Variants in AFM observed in about 807,000 individuals in gnomAD.
AFM encodes alpha-Alb.
Under a neutral mutation model 68.7 loss-of-function variants are expected in AFM, and 82 were observed. The observed-to-expected ratio is 1.19, with a 90% CI of 1.00 to 1.43. AFM has a LOEUF of 1.43. AFM is among the 40% of genes most tolerant of loss of function. AFM has a pLI of 0.00. For missense variants in AFM, 772 were observed against 701.8 expected, an observed-to-expected ratio of 1.10 and a Z score of -1.13; for synonymous variants, 250 against 234.2, an observed-to-expected ratio of 1.07 and a Z score of -0.61.
At chr4:73,498,680 G>C (rs1721327401) in intron 10 of AFM, among the ~76,000 whole-genome samples, 1 of 152,148 alleles carries the variant, frequency 6.6e-6, no homozygotes, top group Non-Finnish European at 1.5e-5. Flanking sequence ...TTGGCTGTTA[G>C]CTGACAATTC....
Position 73,484,304 on chromosome 4 carries a change from G to C in AFM, c.184G>C (p.Glu62Gln). ...GTATGTTCAGGAAGCAACCTTTGAA[G>C]AAATGGAAAAGCTGGTGAAAGACAT... Reference protein sequence around the residue: ...AQYVQEATFEEMEKLVKDMVE... With the variant: ...AQYVQEATFEQMEKLVKDMVE... The change falls in exon 3 of 15, where the codon GAA (glutamate) becomes CAA (glutamine). Residue 62 changes from glutamate to glutamine, a missense_variant. Coordinates refer to ENST00000226355, the MANE Select transcript of AFM (RefSeq NM_001133.2). 1 of 1,613,542 alleles carries C rather than the reference G, an allele frequency of 6.2e-7. No individual in the cohort carries two copies. Among genetic ancestry groups the C allele is most frequent in the Non-Finnish European group, 8.5e-7 (1 of 1,179,802 alleles).
At chr4:73,499,931 C>A in intron 11 of AFM, 73 bp from the exon 12 acceptor site, 3 of 1,242,216 alleles carry the variant, frequency 2.4e-6, no homozygotes, top group Non-Finnish European at 3.5e-6. Flanking sequence ...TCTAAGTATT[C>A]ATCTAACCAT....
At position 73,499,186 on chromosome 4, in the gene AFM, G is replaced by A. The variant is rs1156599000; in HGVS notation, c.1362G>A (p.Met454Ile). The change falls in exon 11 of 15, where the codon ATG becomes ATA. Residue 454 changes from methionine to isoleucine, a missense_variant. Physicochemically the swap from Met to Ile is conservative, Grantham distance 10 (BLOSUM62 1). Coordinates refer to ENST00000226355, the MANE Select transcript of AFM (RefSeq NM_001133.2). ...AACTGGTGTCTCTTGGCGAGAAAATGGTGACAGCTTTCACTACTTGCTGTA... is the reference window on the plus strand; with the variant it reads ...AACTGGTGTCTCTTGGCGAGAAAATAGTGACAGCTTTCACTACTTGCTGTA... ...TEELVSLGEKMVTAFTTCCTL... is the reference protein window; with the variant it reads ...TEELVSLGEKIVTAFTTCCTL... The A allele has an allele frequency of 2.5e-6, 4 of 1,612,874 alleles. No individual in the cohort carries two copies. The African/African-American group carries it at 5.3e-5, about 22-fold the overall frequency.
At position 73,495,449 on chromosome 4, in the gene AFM, T is replaced by C. The variant is rs754702077; in HGVS notation, c.1191+17T>C. On this transcript the variant is annotated intron_variant, in intron 9 of 14. Coordinates refer to ENST00000226355, the MANE Select transcript of AFM (RefSeq NM_001133.2). Reference sequence around the variant, plus strand: ...CGTTACGCGGTAGGTTCCATTGTTGTAGGTTCAGAAAATCAAAAAAGAACA... The same window carrying C: ...CGTTACGCGGTAGGTTCCATTGTTGCAGGTTCAGAAAATCAAAAAAGAACA... 1.4e-5 allele frequency: 22 copies of C among 1,597,916 alleles called. No homozygotes were observed. The highest frequency in any genetic ancestry group is 1.7e-5 in the Non-Finnish European group (20 of 1,176,272).
chr4:73,501,951 C>T, intron 13 of AFM, 32 bp downstream of exon 13: 1 of 1,603,496 alleles, frequency 6.2e-7, no homozygotes, highest in Non-Finnish European at 8.5e-7. Context: ...TGAAATTCAA[C>T]TGGTTTTCCT....
In AFM at chr4:73,499,249, G is replaced by T. The variant is rs764002189; in HGVS notation, c.1422+3G>T. 1.2e-6 allele frequency: 2 copies of T among 1,600,696 alleles called. No individual in the cohort carries two copies. The highest frequency in any genetic ancestry group is 1.7e-6 in the Non-Finnish European group (2 of 1,172,820). ...AGTTTGCCTGTGTTGATAATTTGGTGAGCATGGCCTGTGTACCAGACTACT... is the reference window on the plus strand; with the variant it reads ...AGTTTGCCTGTGTTGATAATTTGGTTAGCATGGCCTGTGTACCAGACTACT... On this transcript the variant is annotated splice_donor_region_variant and intron_variant, in intron 11 of 14. Coordinates refer to ENST00000226355, the MANE Select transcript of AFM (RefSeq NM_001133.2).
At chr4:73,502,928 C>A (rs72647065) in intron 13 of AFM, 122 bp from the exon 14 acceptor site, 2 of 923,750 alleles carry the variant, frequency 2.2e-6, no homozygotes, top group Non-Finnish European at 3.4e-6. Flanking sequence ...TTTACTGTTT[C>A]CCTGTACAAC....
intron 10 of AFM, 71 bp from the exon 11 acceptor site, chr4:73,499,043 C>A: frequency 6.5e-7 from 1 of 1,537,872 alleles, no homozygotes; most frequent in Non-Finnish European, 8.8e-7. Flanking sequence ...AGGGTCTGGG[C>A]TTCAGCAGTA....
At chr4:73,500,929 T>C (rs28649464) in intron 12 of AFM, among the ~76,000 whole-genome samples, 7,289 of 152,256 alleles carry the variant, frequency 0.048, 553 homozygotes, top group African/African-American at 0.17. Flanking sequence ...TTTTTAACTA[T>C]CCTGTTTTCA....
intron 7 of AFM, among the ~76,000 whole-genome samples, chr4:73,491,127 G>A (rs540537283): frequency 5.3e-5 from 8 of 152,290 alleles, no homozygotes; most frequent in African/African-American, 9.6e-5. Flanking sequence ...GAGTCTGGAA[G>A]GGCCCAGAAC....
rs1163878650 is a variant in AFM at position 73,501,830 on chromosome 4, G to A, written c.1690G>A (p.Glu564Lys). The change falls in exon 13 of 15, where the codon GAA (glutamate) becomes AAA (lysine). Residue 564 changes from glutamate (E) to lysine (K), a missense_variant. By Grantham distance (56) the Glu-to-Lys change is moderately conservative. Coordinates refer to ENST00000226355, the MANE Select transcript of AFM (RefSeq NM_001133.2). ...GAAGCTGAAGCATGAACTCACAGAT[G>A]AAGAGCTGCAGTCTTTGTTTACAAA... Reference protein sequence around the residue: ...LVKLKHELTDEELQSLFTNFA... With the variant: ...LVKLKHELTDKELQSLFTNFA... 6.2e-7 allele frequency: 1 copy of A among 1,613,344 alleles called. No individual in the cohort carries two copies. Among genetic ancestry groups the A allele is most frequent in the Non-Finnish European group, 8.5e-7 (1 of 1,179,566 alleles).
chr4:73,502,513 T>C (rs1322560714), intron 13 of AFM, among the ~76,000 whole-genome samples: 1 of 152,142 alleles, frequency 6.6e-6, no homozygotes, highest in Non-Finnish European at 1.5e-5. Context: ...TTTGCTCTGG[T>C]TTGAACCTCA....
At chr4:73,493,790 G>T (rs1160005154) in intron 8 of AFM, among the ~76,000 whole-genome samples, 1 of 152,088 alleles carries the variant, frequency 6.6e-6, no homozygotes. Flanking sequence ...ATTAAATCAA[G>T]TTCAATTAAA....
chr4:73,503,722 G>A (rs1721477760), intron 14 of AFM, among the ~76,000 whole-genome samples, 154 bp from the exon 15 acceptor site: 1 of 152,134 alleles, frequency 6.6e-6, no homozygotes, highest in Admixed American at 6.6e-5. Flanking sequence ...TGTCAGTGAA[G>A]AGAGACCTGG....
chr4:73,489,036 T>C (rs1720994765), intron 7 of AFM, among the ~76,000 whole-genome samples: 1 of 152,198 alleles, frequency 6.6e-6, no homozygotes, highest in Non-Finnish European at 1.5e-5. Flanking sequence ...TCATAGTTCA[T>C]TTAGTACAGA....
rs139537533 is a variant in AFM at position 73,493,395 on chromosome 4, A to G, written c.1058+1309A>G. On this transcript the variant is annotated intron_variant, in intron 8 of 14. Coordinates refer to ENST00000226355, the MANE Select transcript of AFM (RefSeq NM_001133.2). ...TAGCAGGTTTTGTGAGAAAGATAAT[A>G]TGTTTAAGTATGAGCACATTGACTT... 3.5e-4 allele frequency among the ~76,000 whole-genome samples: 53 copies of G among 152,304 alleles called. No homozygotes were observed. The East Asian group carries it at 9.7e-3, about 28-fold the overall frequency.
rs1402222404 is a variant in AFM, at chr4:73,501,928, A to C, written c.1779+9A>C. The stretch of plus-strand genomic sequence containing the variant: ...TCTGCTTTAATGAAGAGGTAGTTTT[A>C]TTTCTTTTCTACTGAAATTCAACTG... On this transcript the variant is annotated intron_variant, in intron 13 of 14. Coordinates refer to ENST00000226355, the MANE Select transcript of AFM (RefSeq NM_001133.2). 1 of 1,609,158 alleles carries C rather than the reference A, an allele frequency of 6.2e-7. No homozygotes were observed. The highest frequency in any genetic ancestry group is 1.3e-5 in the African/African-American group (1 of 74,678).
At position 73,503,001 on chromosome 4, in the gene AFM, G is replaced by A. The variant is rs368895171; in HGVS notation, c.1780-49G>A. The A allele has an allele frequency of 6.1e-5, 96 of 1,562,844 alleles. No homozygotes were observed. The African/African-American group carries it at 1.2e-3, about 20-fold the overall frequency. Reference sequence around the variant, plus strand: ...CATGCTTATCTAAATTTAAACTAGTGTCTTAAATTTTTCTTCCTATGTGTT... The same window carrying A: ...CATGCTTATCTAAATTTAAACTAGTATCTTAAATTTTTCTTCCTATGTGTT... On this transcript the variant is annotated intron_variant, in intron 13 of 14. Transcript: ENST00000226355.
At position 73,487,101 on chromosome 4, in the gene AFM, T is replaced by G; in HGVS notation, c.615+2T>G. On this transcript the variant is annotated splice_donor_variant, in intron 5 of 14. Coordinates refer to ENST00000226355, the MANE Select transcript of AFM (RefSeq NM_001133.2). LOFTEE classifies it high-confidence loss of function. ...AAAGTCAACTGCCTTCAAACAAGGGTGGGTATAGCATTTGTTCCATGAAGA... is the reference window on the plus strand; with the variant it reads ...AAAGTCAACTGCCTTCAAACAAGGGGGGGTATAGCATTTGTTCCATGAAGA... The G allele has an allele frequency of 6.2e-7, 1 of 1,613,676 alleles. No individual in the cohort carries two copies. The highest frequency in any genetic ancestry group is 8.5e-7 in the Non-Finnish European group (1 of 1,179,800).
Sources: allele counts gnomAD v4.1 joint callset (sites outside exome capture counted in the v4.1 genomes callset), GRCh38; gene constraint gnomAD v4.1.1; transcripts MANE v1.5; gene names NCBI Gene and HGNC (gene_info 2026-07-23, HGNC 2026-07-21).